The following DLG2 variants were observed in gnomAD, a reference collection of about 807,000 sequenced individuals.
DLG2 encodes discs large MAGUK scaffold protein 2.
In DLG2, 45 loss-of-function variants were observed where a neutral mutation model predicts 132.5. The ratio of observed to expected loss-of-function variants is 0.34; its 90% CI spans 0.27 to 0.44. The LOEUF (loss-of-function observed/expected upper bound fraction) is 0.44. Ranked by LOEUF, DLG2 falls within the 20% of genes least tolerant of loss-of-function variation. DLG2 has a pLI of 1.00. For missense variants in DLG2, 1,045 were observed against 1,196.9 expected, an observed-to-expected ratio of 0.87 and a Z score of 1.87; for synonymous variants, 424 against 419.6, an observed-to-expected ratio of 1.01 and a Z score of -0.13.
At chr11:85,141,902 C>T (rs962195510) in intron 5 of DLG2, among the ~76,000 whole-genome samples, 1 of 151,820 alleles carries the variant, frequency 6.6e-6, no homozygotes, top group Admixed American at 6.6e-5. Context: ...CTATTCTGTT[C>T]CATTGATCTA....
chr11:84,901,478 G>A (rs562530243), intron 6 of DLG2, among the ~76,000 whole-genome samples: 57 of 152,196 alleles, frequency 3.7e-4, no homozygotes, highest in African/African-American at 1.0e-3. Context: ...AATTTTCCAC[G>A]TAGTTCCCTC....
chr11:84,362,508 A>AT (rs201892576), intron 7 of DLG2, among the ~76,000 whole-genome samples: 8,878 of 149,334 alleles, frequency 0.059, 881 homozygotes, highest in African/African-American at 0.2. Flanking sequence ...TTTTTTAATA[A>AT]TTTTTTTTTT....
intron 15 of DLG2, among the ~76,000 whole-genome samples, chr11:83,885,616 T>C (rs370346655): frequency 3.3e-5 from 5 of 152,094 alleles, no homozygotes; most frequent in South Asian, 2.1e-4. Flanking sequence ...AGATACTCCT[T>C]GAGAAGAGCA....
chr11:84,410,751 T>C lies in DLG2; in HGVS notation c.519+123819A>G, dbSNP rs568114324. Among the ~76,000 whole-genome samples the C allele has an allele frequency of 3.9e-5, 6 of 152,066 alleles. No individual in the cohort carries two copies. The East Asian group carries it at 1.2e-3, about 30-fold the overall frequency. ...CCCACCACCATGCCCGGCTAATTTT[T>C]GTATTTTTAGTAGAGATGGGCTTTC... On this transcript the variant is annotated intron_variant, in intron 7 of 27. Transcript: ENST00000376104.
intron 11 of DLG2, among the ~76,000 whole-genome samples, chr11:84,013,676 G>C (rs2095013074): frequency 6.6e-6 from 1 of 151,882 alleles, no homozygotes; most frequent in Non-Finnish European, 1.5e-5. Context: ...AGATCAGCCT[G>C]GCCAATGTGG....
At chr11:83,850,123 A>AGCGTGTGTGTGTGT (rs1555057218) in intron 16 of DLG2, among the ~76,000 whole-genome samples, 3 of 39,046 alleles carry the variant, frequency 7.7e-5, no homozygotes, top group Non-Finnish European at 1.6e-4. Flanking sequence ...ATTTGGGGTA[A>AGCGTGTGTGTGTGT]GTGTGTGTGT....
intron 19 of DLG2, among the ~76,000 whole-genome samples, chr11:83,576,304 T>C (rs1247734862): frequency 1.3e-5 from 2 of 152,052 alleles, no homozygotes; most frequent in African/African-American, 2.4e-5. Context: ...CTAATAGACC[T>C]CTAATTGGAG....
chr11:84,438,723 T>C (rs1337992396), intron 7 of DLG2, among the ~76,000 whole-genome samples: 3 of 152,138 alleles, frequency 2.0e-5, no homozygotes, highest in Non-Finnish European at 4.4e-5. Flanking sequence ...AGAGATAAGG[T>C]TTTAGCCCTT....
chr11:84,588,553 A>G (rs12290951), intron 6 of DLG2, among the ~76,000 whole-genome samples: 23,300 of 152,054 alleles, frequency 0.15, 1,967 homozygotes, highest in African/African-American at 0.22. Flanking sequence ...CCCTTTTGTC[A>G]GAGGCATTTG....
At chr11:84,816,742 C>T (rs1269203259) in intron 6 of DLG2, among the ~76,000 whole-genome samples, 3 of 151,938 alleles carry the variant, frequency 2.0e-5, no homozygotes, top group Non-Finnish European at 4.4e-5. Context: ...AAATAAAGAT[C>T]TAACTCATAT....
chr11:85,197,358 A>G (rs1451815887), intron 4 of DLG2, among the ~76,000 whole-genome samples: 4 of 152,204 alleles, frequency 2.6e-5, no homozygotes, highest in Non-Finnish European at 5.9e-5. Context: ...AACAATGCAC[A>G]TATTTATAGA....
intron 3 of DLG2, among the ~76,000 whole-genome samples, chr11:85,532,341 T>G (rs1371222191): frequency 1.3e-5 from 2 of 152,214 alleles, no homozygotes; most frequent in Non-Finnish European, 1.5e-5. Context: ...TCCTGGAAGA[T>G]ATTTTCCAAG....
chr11:83,987,185 T>C (rs553661155), intron 11 of DLG2, among the ~76,000 whole-genome samples: 2 of 152,008 alleles, frequency 1.3e-5, no homozygotes, highest in East Asian at 1.9e-4. Flanking sequence ...CACTGCTCAA[T>C]GAAATGAAAG....
chr11:84,583,006 T>G (rs1345842972), intron 6 of DLG2, among the ~76,000 whole-genome samples: 1 of 152,208 alleles, frequency 6.6e-6, no homozygotes, highest in Non-Finnish European at 1.5e-5. Flanking sequence ...ATGGTTTTGC[T>G]TATGCTGACC....
At chr11:84,883,982 T>C (rs2087801725) in intron 6 of DLG2, among the ~76,000 whole-genome samples, 1 of 152,088 alleles carries the variant, frequency 6.6e-6, no homozygotes. Flanking sequence ...CTATGCATTA[T>C]CCTGGTACCT....
chr11:83,564,465 C>T (rs565982705), intron 19 of DLG2, among the ~76,000 whole-genome samples: 153 of 152,222 alleles, frequency 1.0e-3, no homozygotes, highest in Non-Finnish European at 8.1e-4. Flanking sequence ...ATATTTCACT[C>T]CAGGATCTAA....
At chr11:84,652,262 T>C (rs932391079) in intron 6 of DLG2, among the ~76,000 whole-genome samples, 3 of 152,212 alleles carry the variant, frequency 2.0e-5, no homozygotes, top group Non-Finnish European at 4.4e-5. Flanking sequence ...TGTGTTTCTT[T>C]TTCTCGAGTT....
chr11:84,406,623 A>T (rs1365378170), intron 7 of DLG2, among the ~76,000 whole-genome samples: 3 of 152,194 alleles, frequency 2.0e-5, no homozygotes, highest in African/African-American at 7.2e-5. Context: ...TACAGGCATG[A>T]GCCACCACAT....
At chr11:83,946,497 T>C (rs2083997783) in intron 14 of DLG2, among the ~76,000 whole-genome samples, 1 of 152,226 alleles carries the variant, frequency 6.6e-6, no homozygotes, top group African/African-American at 2.4e-5. Context: ...AGGTGACTAA[T>C]GGGCTATCAG....
Sources: allele counts gnomAD v4.1 joint callset (sites outside exome capture counted in the v4.1 genomes callset), GRCh38; gene constraint gnomAD v4.1.1; transcripts MANE v1.5; gene names NCBI Gene and HGNC (gene_info 2026-07-23, HGNC 2026-07-21).